Variants in NID1 observed in about 807,000 individuals in gnomAD.
NID1 encodes nidogen-1.
NID1 carries 76 observed loss-of-function variants against 130.6 expected under a neutral mutation model. The observed-to-expected ratio is 0.58, with a 90% confidence interval of 0.48 to 0.70. The LOEUF is 0.70. NID1 is among the 30% of genes least tolerant of loss of function. The pLI is 0.00. For synonymous variants in NID1, 665 were observed against 675.1 expected (o/e 0.98, Z 0.23); for missense variants, 1,517 against 1,664.8 (o/e 0.91, Z 1.54).
intron 12 of NID1, among the ~76,000 whole-genome samples, chr1:236,004,161 G>C (rs544686579): frequency 6.6e-6 from 1 of 152,218 alleles, no homozygotes; most frequent in South Asian, 2.1e-4. Flanking sequence ...TGACTGCAGT[G>C]GTTAGAGAGA....
At chr1:236,024,042 C>A in intron 9 of NID1, 28 bp downstream of exon 9, 1 of 1,611,002 alleles carries the variant, frequency 6.2e-7, no homozygotes, top group Non-Finnish European at 8.5e-7. Context: ...ATTTCCCAGC[C>A]CCAACAAGTC....
intron 7 of NID1, among the ~76,000 whole-genome samples, chr1:236,028,687 CAT>C (rs59523526): frequency 0.027 from 3,965 of 146,408 alleles, 117 homozygotes; most frequent in African/African-American, 0.077. Flanking sequence ...GGTCAGTATA[CAT>C]ATATATATAT....
At position 236,012,047 on chromosome 1, in the gene NID1, T is replaced by C; in HGVS notation, c.2405-4A>G. 1.2e-6 allele frequency: 2 copies of C among 1,611,484 alleles called. No individual in the cohort carries two copies. Among genetic ancestry groups the C allele is most frequent in the South Asian group, 2.2e-5 (2 of 91,052 alleles). On this transcript the variant is annotated splice_polypyrimidine_tract_variant and splice_region_variant and intron_variant, in intron 11 of 19. Transcript: ENST00000264187. ...CTTGGCTGGCATTCATCTACATCTGTAAAACAGCCACCAGGCCCAGGGACA... is the reference window on the plus strand; with the variant it reads ...CTTGGCTGGCATTCATCTACATCTGCAAAACAGCCACCAGGCCCAGGGACA...
At position 236,013,521 on chromosome 1, in the gene NID1, C is replaced by T. The variant is rs1211756150; in HGVS notation, c.2294G>A (p.Gly765Asp). The change falls in exon 11 of 20, where the codon GGC becomes GAC. Residue 765 changes from glycine (G) to aspartate (D), a missense_variant. By Grantham distance (94) the Gly-to-Asp change is moderately conservative (BLOSUM62 -1). This residue lies in a region of NID1 where 1,329 missense variants were observed against 1,429.2 expected (regional missense o/e 0.93). Transcript: ENST00000264187. ...DQRPINYCET[G>D]LHNCDIPQRA... ...CTGGGGTATGTCGCAGTTATGAAGG[C>T]CAGTTTCACAGTAGTTGATGGGGCG... The T allele has an allele frequency of 1.9e-6, 3 of 1,614,012 alleles. No individual in the cohort carries two copies. The highest frequency in any genetic ancestry group is 1.7e-6 in the Non-Finnish European group (2 of 1,180,030).
rs990762061 is a variant in NID1 at position 236,024,210 on chromosome 1, C to G, written c.1988G>C (p.Gly663Ala). Residue 663 changes from glycine (G) to alanine (A), a missense_variant, in exon 9 of 20, where the codon GGC (glycine) becomes GCC (alanine). Physicochemically the swap from Gly to Ala is moderately conservative, Grantham distance 60. Around this residue, in one of 3 missense-constraint regions of NID1, gnomAD observed 1,329 missense variants for 1,429.2 expected, o/e 0.93. Coordinates refer to ENST00000264187, the MANE Select transcript of NID1 (RefSeq NM_002508.3). ...GGGATTCTGAAGAGCATCAGGGGAG[C>G]CTTCTGTGAAGACAGAGACATTGGA... is the stretch of plus-strand genomic sequence containing the variant. ...LSNSIGPVRE[G>A]SPDALQNPCY... The G allele has an allele frequency of 5.6e-6, 9 of 1,614,196 alleles. No individual in the cohort carries two copies. The highest frequency in any genetic ancestry group is 2.2e-5 in the East Asian group (1 of 44,890).
At chr1:235,994,017 A>G in intron 12 of NID1, 145 bp from the exon 13 acceptor site, 1 of 659,028 alleles carries the variant, frequency 1.5e-6, no homozygotes, top group South Asian at 2.0e-5. Flanking sequence ...AGTTATTCAA[A>G]ATGCAGAAAC....
chr1:236,006,684 A>G (rs1055746317), intron 12 of NID1, among the ~76,000 whole-genome samples: 1 of 152,198 alleles, frequency 6.6e-6, no homozygotes, highest in Non-Finnish European at 1.5e-5. Context: ...AGAGACAACT[A>G]CAGATGCCAG....
At chr1:236,053,348 G>T (rs989091956) in intron 1 of NID1, among the ~76,000 whole-genome samples, 4 of 152,144 alleles carry the variant, frequency 2.6e-5, no homozygotes, top group Non-Finnish European at 4.4e-5. Flanking sequence ...GTTTAGTTAT[G>T]CATGTTTAGC....
intron 7 of NID1, among the ~76,000 whole-genome samples, chr1:236,028,794 CG>C (rs1659014492): frequency 6.6e-6 from 1 of 151,890 alleles, no homozygotes; most frequent in South Asian, 2.1e-4. Flanking sequence ...AGTATGTGAA[CG>C]TTTTTTGGGC....
intron 1 of NID1, among the ~76,000 whole-genome samples, chr1:236,055,500 T>C (rs895933546): frequency 6.6e-6 from 1 of 151,804 alleles, no homozygotes; most frequent in African/African-American, 2.4e-5. Flanking sequence ...TAAAAACATA[T>C]AACAGGTCTG....
intron 12 of NID1, among the ~76,000 whole-genome samples, chr1:235,994,625 GTTTTA>G (rs1317878335): frequency 3.3e-5 from 5 of 151,682 alleles, no homozygotes; most frequent in African/African-American, 7.3e-5. Flanking sequence ...ACATCACTGG[GTTTTA>G]TTTTAAGAAA....
At chr1:236,049,015 A>C in intron 1 of NID1, 26 bp from the exon 2 acceptor site, 1 of 1,604,846 alleles carries the variant, frequency 6.2e-7, no homozygotes, top group Admixed American at 1.8e-5. Context: ...TGTGGTTAAA[A>C]GGAATGCAGA....
At position 235,990,935 on chromosome 1, in the gene NID1, T is replaced by G. The variant is rs1657716690; in HGVS notation, c.2879A>C (p.Glu960Ala). 6.2e-7 allele frequency: 1 copy of G among 1,614,100 alleles called. No homozygotes were observed. The part of the protein sequence containing the change: ...QTGKIERLPL[E>A]GNTMRKTEAK... ...TTCTGTCTTCCTCATGGTATTTCCC[T>G]CCAGGGGCAGGCGCTCAATCTTCCC... is the stretch of plus-strand genomic sequence containing the variant. The change falls in exon 14 of 20, where the codon GAG becomes GCG. Residue 960 changes from glutamate to alanine, a missense_variant. Glu to Ala is a moderately radical substitution (Grantham distance 107, BLOSUM62 -1). Around this residue, in one of 3 missense-constraint regions of NID1, gnomAD observed 1,329 missense variants for 1,429.2 expected, o/e 0.93. Coordinates refer to ENST00000264187, the MANE Select transcript of NID1 (RefSeq NM_002508.3).
At chr1:236,038,374 G>A (rs1358328672) in intron 4 of NID1, 121 bp from the exon 5 acceptor site, 1 of 1,020,568 alleles carries the variant, frequency 9.8e-7, no homozygotes, top group Non-Finnish European at 1.4e-6. Flanking sequence ...CAATTCAAGG[G>A]ACCAGGCTCA....
chr1:236,056,466 A>T (rs1659900714), intron 1 of NID1, among the ~76,000 whole-genome samples: 1 of 152,206 alleles, frequency 6.6e-6, no homozygotes, highest in Non-Finnish European at 1.5e-5. Flanking sequence ...ACCGTCTCAA[A>T]CATTTATCTT....
At chr1:236,051,259 C>T (rs1453928969) in intron 1 of NID1, among the ~76,000 whole-genome samples, 1 of 149,380 alleles carries the variant, frequency 6.7e-6, no homozygotes, top group Non-Finnish European at 1.5e-5. Flanking sequence ...CTCCCCCTCC[C>T]CCTGCCCCTC....
rs141385812 is a variant in NID1 at position 236,050,985 on chromosome 1, A to G, written c.226-1996T>C. On this transcript the variant is annotated intron_variant, in intron 1 of 19. Coordinates refer to ENST00000264187, the MANE Select transcript of NID1 (RefSeq NM_002508.3). The stretch of plus-strand genomic sequence containing the variant: ...GCAGTCCCAGCTACTTGGGAGACTG[A>G]GGCAGGAGAATTGCTTGAGCCCAAG... Among the ~76,000 whole-genome samples, 1,118 of 152,210 alleles carry G rather than the reference A, an allele frequency of 7.3e-3. 8 individuals carry two copies. Among genetic ancestry groups the G allele is most frequent in the African/African-American group, 0.026 (1,074 of 41,530 alleles).
intron 12 of NID1, among the ~76,000 whole-genome samples, chr1:236,004,326 T>G (rs1198993713): frequency 6.6e-6 from 1 of 152,186 alleles, no homozygotes; most frequent in Non-Finnish European, 1.5e-5. Flanking sequence ...ACTTGTCATC[T>G]TTGTGTGGCA....
At chr1:236,021,363 A>G (rs1443374486) in intron 9 of NID1, among the ~76,000 whole-genome samples, 3 of 152,200 alleles carry the variant, frequency 2.0e-5, no homozygotes, top group African/African-American at 7.2e-5. Context: ...TCTACCACAT[A>G]TACAAAGCTA....
Sources: gnomAD v4.1 joint callset for allele counts (sites outside exome capture counted in the v4.1 genomes callset) on GRCh38, gnomAD v4.1.1 for gene constraint, gnomAD v4.1.1 regional missense constraint, MANE v1.5 for transcripts, NCBI Gene and HGNC (gene_info 2026-07-23, HGNC 2026-07-21) for gene names.